RAB37: variants seen among roughly 807,000 people sequenced by gnomAD.
RAB37 encodes the protein ras-related protein Rab-37.
A neutral mutation model predicts 33.1 loss-of-function variants in RAB37; 29 were observed. The observed-to-expected ratio is 0.88, with a 90% CI of 0.65 to 1.20. RAB37 has a LOEUF of 1.20. Ranked by LOEUF, RAB37 falls within the 50% of genes most tolerant of loss-of-function variation. RAB37 has a pLI of 0.00. For missense variants in RAB37, 299 were observed against 301.1 expected (o/e 0.99, Z 0.05); for synonymous variants, 128 against 119.5 (o/e 1.07, Z -0.47).
chr17:74,680,417 C>T (rs2031929353), intron 1 of RAB37, among the ~76,000 whole-genome samples: 1 of 152,272 alleles, frequency 6.6e-6, no homozygotes, highest in Non-Finnish European at 1.5e-5. Context: ...ACTCACAAGA[C>T]ATGTATTGCC....
chr17:74,692,846 T>C (rs573630817), intron 1 of RAB37, among the ~76,000 whole-genome samples: 64 of 152,348 alleles, frequency 4.2e-4, no homozygotes, highest in Admixed American at 7.8e-4. Context: ...CACCGCTGCC[T>C]GTGCTCTGAG....
chr17:74,681,803 C>A (rs2031960915), intron 1 of RAB37, among the ~76,000 whole-genome samples: 1 of 152,122 alleles, frequency 6.6e-6, no homozygotes, highest in Non-Finnish European at 1.5e-5. Context: ...CATCCACCAC[C>A]TGCCCCATCC....
chr17:74,695,794 G>A, intron 1 of RAB37: 1 of 1,614,184 alleles, frequency 6.2e-7, no homozygotes, highest in Non-Finnish European at 8.5e-7. Flanking sequence ...CCTTTTGCGG[G>A]GAGGTTCCGG....
At chr17:74,722,733 T>TA (rs1159100061) in intron 1 of RAB37, among the ~76,000 whole-genome samples, 4 of 152,228 alleles carry the variant, frequency 2.6e-5, no homozygotes, top group Non-Finnish European at 5.9e-5. Flanking sequence ...GATATTACCA[T>TA]ATGTCATATG....
chr17:74,702,984 A>G, intron 1 of RAB37: 1 of 1,427,002 alleles, frequency 7.0e-7, no homozygotes, highest in South Asian at 1.1e-5. Flanking sequence ...AGAGTTCTCC[A>G]TTGGAGGAGT....
chr17:74,745,494 G>A lies in RAB37; in HGVS notation c.*83G>A, dbSNP rs868788236. 1 of 1,125,826 alleles carries A rather than the reference G, an allele frequency of 8.9e-7. No homozygotes were observed. The allele number at this position is 1,125,826 out of a possible 1,614,324, so 69.7% of individuals were successfully genotyped here. A position where few individuals can be genotyped will look rare whatever the true frequency, so the allele number is the denominator to read the frequency against. On this transcript the variant is annotated 3_prime_UTR_variant, in exon 9 of 9. Coordinates refer to ENST00000392613, the MANE Select transcript of RAB37 (RefSeq NM_001006638.3). This position sits in a 1 kb window ranked among gnomAD's most constrained non-coding sequence, Gnocchi z 4.5. ...CAGGCCTGGCTTATTCCAAGAGGCTGAGCCAATGGGGAGAAAGATGGAGGA... is the reference window on the plus strand; with the variant it reads ...CAGGCCTGGCTTATTCCAAGAGGCTAAGCCAATGGGGAGAAAGATGGAGGA...
chr17:74,732,773 GGTGAGGTGTGTGTGGT>G (rs2034407924), upstream of RAB37, among the ~76,000 whole-genome samples: 8 of 9,334 alleles, frequency 8.6e-4, no homozygotes, highest in East Asian at 5.6e-3. Flanking sequence ...TGATTTGAGG[GGTGAGGTGTGTGTGGT>G]GTGAGGTGTG....
Position 74,745,501 on chromosome 17 carries a change from T to C in RAB37, c.*90T>C, listed in dbSNP as rs946890748. The C allele has an allele frequency of 9.3e-6, 10 of 1,074,668 alleles. No homozygotes were observed. The Admixed American group carries it at 1.1e-4, about 12-fold the overall frequency. The allele number at this position is 1,074,668 out of a possible 1,614,324, so 66.6% of individuals were successfully genotyped here. On this transcript the variant is annotated 3_prime_UTR_variant, in exon 9 of 9. Coordinates refer to ENST00000392613, the MANE Select transcript of RAB37 (RefSeq NM_001006638.3). The surrounding 1 kb of genome is among the most constrained non-coding windows in gnomAD (Gnocchi z 4.5). ...GGCTTATTCCAAGAGGCTGAGCCAATGGGGAGAAAGATGGAGGACTCACTG... is the reference window on the plus strand; with the variant it reads ...GGCTTATTCCAAGAGGCTGAGCCAACGGGGAGAAAGATGGAGGACTCACTG...
chr17:74,692,839 C>T (rs918851421), intron 1 of RAB37, among the ~76,000 whole-genome samples: 13 of 152,318 alleles, frequency 8.5e-5, no homozygotes, highest in Middle Eastern at 3.4e-3. Flanking sequence ...TAGTGAACAC[C>T]GCTGCCTGTG....
intron 1 of RAB37, among the ~76,000 whole-genome samples, chr17:74,678,424 T>G (rs1156676538): frequency 6.6e-6 from 1 of 152,190 alleles, no homozygotes; most frequent in Non-Finnish European, 1.5e-5. Context: ...TCCCAGCACA[T>G]GGTTCCTGAC....
At position 74,676,710 on chromosome 17, in the gene RAB37, G is replaced by C. The variant is rs1204231631; in HGVS notation, c.72+5052G>C. On this transcript the variant is annotated intron_variant, in intron 1 of 7. Transcript: ENST00000340415. This position sits in a 1 kb window ranked among gnomAD's most constrained non-coding sequence, Gnocchi z 4.1. ...CCACCTTCACTAAGCCTGTGGCCTA[G>C]AAGGCATGCACACAAATGGCTATAC... Among the ~76,000 whole-genome samples the C allele has an allele frequency of 6.6e-6, 1 of 152,184 alleles. No individual in the cohort carries two copies. The highest frequency in any genetic ancestry group is 1.5e-5 in the Non-Finnish European group (1 of 68,044).
chr17:74,696,978 G>A lies in RAB37; in HGVS notation c.72+25320G>A, dbSNP rs2032547467. On this transcript the variant is annotated intron_variant, in intron 1 of 7. Coordinates refer to the RAB37 transcript ENST00000340415. ...GGTTTTGAGATGGAGTTTCTCTCTT[G>A]TCACCCATGCCGGAGGGCAATGGCA... Among the ~76,000 whole-genome samples the A allele has an allele frequency of 2.6e-5, 4 of 152,030 alleles. No individual in the cohort carries two copies. In the South Asian group the frequency reaches 8.3e-4, roughly 32 times the overall value.
Position 74,671,658 on chromosome 17 carries a change from G to A in RAB37, c.72G>A (p.Lys24=). The A allele has an allele frequency of 1.2e-6, 2 of 1,614,046 alleles. No individual in the cohort carries two copies. Among genetic ancestry groups the A allele is most frequent in the Non-Finnish European group, 8.5e-7 (1 of 1,179,884 alleles). Reference sequence around the variant, plus strand: ...ACTTCAACGACCACGTCCTGCATAAGGTAAACATCTCCTGTATTCCTCAAC... The same window carrying A: ...ACTTCAACGACCACGTCCTGCATAAAGTAAACATCTCCTGTATTCCTCAAC... Residue 24 remains lysine (K), a splice_region_variant and synonymous_variant, in exon 1 of 8, where the codon AAG becomes AAA. Transcript: ENST00000340415. This position sits in a 1 kb window ranked among gnomAD's most constrained non-coding sequence, Gnocchi z 5.0.
At chr17:74,740,939 GGGGTT>G in intron 2 of RAB37, 61 bp downstream of exon 2, 1 of 1,308,710 alleles carries the variant, frequency 7.6e-7, no homozygotes, top group Non-Finnish European at 1.1e-6. Flanking sequence ...CAGGCATGGG[GGGGTT>G]GCCCCCACCT....
chr17:74,745,125 G>A lies in RAB37; in HGVS notation c.566+41G>A, dbSNP rs529792885. On this transcript the variant is annotated intron_variant, in intron 8 of 8. Coordinates refer to ENST00000392613, the MANE Select transcript of RAB37 (RefSeq NM_001006638.3). The surrounding 1 kb of genome is among the most constrained non-coding windows in gnomAD (Gnocchi z 4.5). The stretch of plus-strand genomic sequence containing the variant: ...GGAAGGGAAGTGTGCGGGGCAGGGC[G>A]GCACACTCCAGGAATCCAGTAGGGC... 3.1e-6 allele frequency: 5 copies of A among 1,602,818 alleles called. No homozygotes were observed. The highest frequency in any genetic ancestry group is 1.3e-5 in the African/African-American group (1 of 74,848).
At chr17:74,732,785 G>A (rs1202725732), upstream of RAB37, among the ~76,000 whole-genome samples, 1 of 152,116 alleles carries the variant, frequency 6.6e-6, no homozygotes, top group African/African-American at 2.4e-5. Context: ...TGAGGTGTGT[G>A]TGGTGTGAGG....
rs925214910 is a variant in RAB37 at position 74,730,625 on chromosome 17, G to A, written c.183+1259G>A. 5.9e-5 allele frequency among the ~76,000 whole-genome samples: 9 copies of A among 152,152 alleles called. No homozygotes were observed. Among genetic ancestry groups the A allele is most frequent in the African/African-American group, 1.9e-4 (8 of 41,446 alleles). Reference sequence around the variant, plus strand: ...TGGCAATCCCTGAGGTCTGGGACCAGGCTGCCATGAAGCAAACCAGGATGA... The same window carrying A: ...TGGCAATCCCTGAGGTCTGGGACCAAGCTGCCATGAAGCAAACCAGGATGA... On this transcript the variant is annotated intron_variant, in intron 2 of 7. Coordinates refer to the RAB37 transcript ENST00000340415. The surrounding 1 kb of genome is among the most constrained non-coding windows in gnomAD (Gnocchi z 4.4).
intron 1 of RAB37, among the ~76,000 whole-genome samples, chr17:74,683,812 G>A (rs2032001472): frequency 6.6e-6 from 1 of 152,162 alleles, no homozygotes; most frequent in Admixed American, 6.5e-5. Context: ...GGGCCAGATG[G>A]CAAAGGAGTG....
At chr17:74,734,225 C>T (rs2034433728), upstream of RAB37, among the ~76,000 whole-genome samples, 2 of 152,338 alleles carry the variant, frequency 1.3e-5, no homozygotes, top group South Asian at 4.1e-4. Flanking sequence ...CCTTGGCATT[C>T]CTTGGCTTGC....
Sources: allele counts gnomAD v4.1 joint callset (sites outside exome capture counted in the v4.1 genomes callset), GRCh38; gene constraint gnomAD v4.1.1; non-coding constraint Gnocchi (gnomAD v3.1); transcripts MANE v1.5; gene names NCBI Gene and HGNC (gene_info 2026-07-23, HGNC 2026-07-21).